The following MAGI1 variants were observed in gnomAD, a reference collection of about 807,000 sequenced individuals.
The protein encoded by MAGI1 is membrane associated guanylate kinase, WW and PDZ domain containing 1.
Under a neutral mutation model 139.9 loss-of-function variants are expected in MAGI1, and 58 were observed. The observed-to-expected ratio is 0.41, with a 90% CI of 0.34 to 0.52. The LOEUF (loss-of-function observed/expected upper bound fraction) is 0.52. Among genes scored for constraint, MAGI1 ranks in the 20% least tolerant of loss-of-function variants. MAGI1 has a pLI of 0.12. For missense variants in MAGI1, 1,874 were observed against 1,901.6 expected, an observed-to-expected ratio of 0.99 and a Z score of 0.27; for synonymous variants, 812 against 737.9, an observed-to-expected ratio of 1.10 and a Z score of -1.63.
chr3:65,380,080 GACA>G (rs1268352180), intron 16 of MAGI1, among the ~76,000 whole-genome samples: 1 of 152,222 alleles, frequency 6.6e-6, no homozygotes, highest in Non-Finnish European at 1.5e-5. Flanking sequence ...TGGGGTTCAT[GACA>G]ACACCTGTGA....
At chr3:65,750,889 G>T (rs905659550) in intron 1 of MAGI1, among the ~76,000 whole-genome samples, 2 of 152,180 alleles carry the variant, frequency 1.3e-5, no homozygotes, top group East Asian at 3.9e-4. Flanking sequence ...GGAAAAGAAA[G>T]AATATTACAG....
intron 1 of MAGI1, among the ~76,000 whole-genome samples, chr3:65,738,485 T>C (rs989830712): frequency 2.6e-5 from 4 of 152,206 alleles, no homozygotes; most frequent in African/African-American, 9.6e-5. Context: ...CCACAAATGT[T>C]CTTAATGGCC....
chr3:65,706,188 T>C (rs1159315935), intron 1 of MAGI1, among the ~76,000 whole-genome samples: 1 of 152,246 alleles, frequency 6.6e-6, no homozygotes, highest in African/African-American at 2.4e-5. Context: ...TTAAATTTCA[T>C]TTTGCTTTGC....
intron 1 of MAGI1, among the ~76,000 whole-genome samples, chr3:65,964,206 T>C (rs1420304207): frequency 6.6e-6 from 1 of 152,154 alleles, no homozygotes; most frequent in Non-Finnish European, 1.5e-5. Flanking sequence ...CTGCCCCCAG[T>C]AATTACCTTA....
intron 1 of MAGI1, among the ~76,000 whole-genome samples, chr3:65,723,612 T>G (rs1180240409): frequency 2.6e-5 from 4 of 152,216 alleles, no homozygotes; most frequent in Non-Finnish European, 5.9e-5. Context: ...ATGTTATATG[T>G]GTAACATATC....
At chr3:65,762,606 T>C (rs2107887491) in intron 1 of MAGI1, among the ~76,000 whole-genome samples, 1 of 152,300 alleles carries the variant, frequency 6.6e-6, no homozygotes, top group South Asian at 2.1e-4. Flanking sequence ...GAAACAAAAA[T>C]GCTATCAGTA....
chr3:65,622,139 G>C, intron 1 of MAGI1, 51 bp from the exon 2 acceptor site: 1 of 1,288,980 alleles, frequency 7.8e-7, no homozygotes, highest in African/African-American at 1.5e-5. Context: ...GGGCCTCCTA[G>C]AAAAGAAGTA....
At chr3:65,624,044 T>G (rs1576514698) in intron 1 of MAGI1, among the ~76,000 whole-genome samples, 1 of 152,104 alleles carries the variant, frequency 6.6e-6, no homozygotes, top group Non-Finnish European at 1.5e-5. Context: ...CATTAGTCAT[T>G]AGAGGAAAAA....
chr3:65,668,631 A>G (rs137949001), intron 1 of MAGI1, among the ~76,000 whole-genome samples: 1,523 of 129,508 alleles, frequency 0.012, 28 homozygotes, highest in African/African-American at 0.043. Flanking sequence ...CAGTGGTGCA[A>G]TCTCAGCTCA....
At chr3:65,933,906 A>T (rs1165423034) in intron 1 of MAGI1, among the ~76,000 whole-genome samples, 2 of 152,074 alleles carry the variant, frequency 1.3e-5, no homozygotes, top group Non-Finnish European at 2.9e-5. Context: ...TGGGCAGATT[A>T]CCTGAGGTCA....
At chr3:65,823,482 T>A (rs1357001273) in intron 1 of MAGI1, among the ~76,000 whole-genome samples, 1 of 152,222 alleles carries the variant, frequency 6.6e-6, no homozygotes. Context: ...ATTCCACTAG[T>A]CCAAGGCTCA....
chr3:65,653,042 T>G (rs748478109), intron 1 of MAGI1, among the ~76,000 whole-genome samples: 5 of 152,172 alleles, frequency 3.3e-5, no homozygotes, highest in Non-Finnish European at 5.9e-5. Context: ...TCCGGGTCAC[T>G]TGTAGTTTCA....
chr3:65,734,894 G>A (rs1462575685), intron 1 of MAGI1, among the ~76,000 whole-genome samples: 2 of 135,918 alleles, frequency 1.5e-5, no homozygotes, highest in Non-Finnish European at 3.1e-5. Context: ...GAGGGGAGGA[G>A]AAGGGAGGAA....
At chr3:65,719,371 G>A (rs1463580978) in intron 1 of MAGI1, among the ~76,000 whole-genome samples, 1 of 151,234 alleles carries the variant, frequency 6.6e-6, no homozygotes, top group Non-Finnish European at 1.5e-5. Flanking sequence ...ATTATACAAT[G>A]TTTAATGTAT....
intron 1 of MAGI1, among the ~76,000 whole-genome samples, chr3:65,701,876 C>A (rs1221662044): frequency 3.9e-5 from 6 of 152,038 alleles, no homozygotes; most frequent in Non-Finnish European, 8.8e-5. Context: ...CACTGGTAGC[C>A]GTGATAAAAT....
intron 4 of MAGI1, among the ~76,000 whole-genome samples, chr3:65,476,395 C>A (rs1950889823): frequency 6.6e-6 from 1 of 152,104 alleles, no homozygotes; most frequent in African/African-American, 2.4e-5. Context: ...GGAAACTAAT[C>A]ATCAGACTGA....
intron 1 of MAGI1, among the ~76,000 whole-genome samples, chr3:65,947,088 T>G (rs2063577652): frequency 1.3e-5 from 2 of 152,226 alleles, no homozygotes; most frequent in African/African-American, 4.8e-5. Context: ...TTTTAGACAC[T>G]GAATAACTTA....
intron 2 of MAGI1, among the ~76,000 whole-genome samples, chr3:65,532,114 A>G (rs2078741822): frequency 6.6e-6 from 1 of 152,200 alleles, no homozygotes; most frequent in African/African-American, 2.4e-5. Flanking sequence ...TTTCTGTAAT[A>G]GTTAGAGAAA....
chr3:65,957,539 A>G (rs1000904797), intron 1 of MAGI1, among the ~76,000 whole-genome samples: 2 of 150,536 alleles, frequency 1.3e-5, no homozygotes, highest in South Asian at 2.1e-4. Context: ...AAAAAAGAAA[A>G]AGAAAAGAAA....
Sources: gnomAD v4.1 joint callset for allele counts (sites outside exome capture counted in the v4.1 genomes callset) on GRCh38, gnomAD v4.1.1 for gene constraint, MANE v1.5 for transcripts, NCBI Gene and HGNC (gene_info 2026-07-23, HGNC 2026-07-21) for gene names.